Variants in DCAF12 observed in about 807,000 individuals in gnomAD.
DCAF12 encodes the protein DDB1- and CUL4-associated factor 12.
DCAF12 carries 28 observed loss-of-function variants against 52.8 expected under a neutral mutation model. The ratio of observed to expected loss-of-function variants is 0.53; its 90% CI spans 0.39 to 0.73. The LOEUF (loss-of-function observed/expected upper bound fraction) is 0.73, where lower values mean the gene tolerates loss of function less well. DCAF12 is among the 30% of genes least tolerant of loss of function. The probability of loss-of-function intolerance (pLI) is 0.00; values close to 1 mark genes in which losing one functional copy is unlikely to be tolerated. For synonymous variants in DCAF12, 196 were observed against 215.5 expected, an observed-to-expected ratio of 0.91 and a Z score of 0.79; for missense variants, 425 against 552.2, an observed-to-expected ratio of 0.77 and a Z score of 2.31.
chr9:34,105,956 G>A (rs1462184704), intron 4 of DCAF12, among the ~76,000 whole-genome samples: 1 of 151,966 alleles, frequency 6.6e-6, no homozygotes, highest in Non-Finnish European at 1.5e-5. Context: ...CACCATGCTG[G>A]CCAGCCTGGT....
At chr9:34,090,234 T>C (rs752268354) in intron 7 of DCAF12, among the ~76,000 whole-genome samples, 10 of 152,124 alleles carry the variant, frequency 6.6e-5, no homozygotes, top group Non-Finnish European at 4.4e-5. Flanking sequence ...CAGCTAATTC[T>C]TGCATTTTCA....
intron 1 of DCAF12, chr9:34,125,561 G>A: frequency 1.9e-6 from 1 of 537,022 alleles, no homozygotes; most frequent in Non-Finnish European, 3.7e-6. Flanking sequence ...GACATTTTAG[G>A]AGTGAAAGAT....
At position 34,107,680 on chromosome 9, in the gene DCAF12, T is replaced by G. The variant is rs569608300; in HGVS notation, c.334-115A>C. 2.7e-5 allele frequency: 23 copies of G among 839,950 alleles called. No homozygotes were observed. The African/African-American group carries it at 3.9e-4, about 14-fold the overall frequency. 52.0% of individuals were successfully genotyped at this position (839,950 alleles called of 1,614,324 possible). ...CATTTAATTAACAACTACTACATGT[T>G]AGACCCTAGGAATTATTAAAGGCAT... On this transcript the variant is annotated intron_variant, in intron 2 of 8. Transcript: ENST00000361264.
At chr9:34,097,633 T>C (rs747964614) in intron 5 of DCAF12, among the ~76,000 whole-genome samples, 5 of 151,718 alleles carry the variant, frequency 3.3e-5, no homozygotes, top group African/African-American at 9.7e-5. Context: ...GAAGGGAAAG[T>C]AGGCAGTAAA....
intron 1 of DCAF12, 126 bp from the exon 2 acceptor site, chr9:34,125,403 CAA>C (rs2131445718): frequency 9.2e-7 from 1 of 1,089,554 alleles, no homozygotes; most frequent in East Asian, 2.4e-5. Context: ...AATACAAACA[CAA>C]GAGAACAAGA....
chr9:34,118,320 G>A (rs2131442448), intron 2 of DCAF12, among the ~76,000 whole-genome samples: 1 of 152,242 alleles, frequency 6.6e-6, no homozygotes, highest in Admixed American at 6.5e-5. Context: ...TTTTAGTAGA[G>A]ACGGGATTTC....
intron 2 of DCAF12, among the ~76,000 whole-genome samples, chr9:34,108,804 A>T (rs1173096137): frequency 2.6e-3 from 304 of 117,978 alleles, no homozygotes; most frequent in Middle Eastern, 9.1e-3. Flanking sequence ...AAAAAAAATA[A>T]ATAAATAAAT....
intron 2 of DCAF12, among the ~76,000 whole-genome samples, chr9:34,114,319 T>C (rs753247866): frequency 2.0e-5 from 3 of 152,096 alleles, no homozygotes; most frequent in Non-Finnish European, 4.4e-5. Context: ...TCCCAGTACT[T>C]TGGGAGTCTG....
rs980888855 is a variant in DCAF12 at position 34,126,609 on chromosome 9, AG to A, written c.-179del. 2.9e-5 allele frequency: 20 copies of A among 686,438 alleles called. No individual in the cohort carries two copies. In the African/African-American group the frequency reaches 3.3e-4, roughly 11 times the overall value. The allele number at this position is 686,438 out of a possible 1,614,324, so 42.5% of individuals were successfully genotyped here. A position where few individuals can be genotyped will look rare whatever the true frequency, so the allele number is the denominator to read the frequency against. Reference sequence around the variant, plus strand: ...ATAGGCGGAAAGAAAGGAAAGAGAGAGGAAGGACTTGAGCCGGGAAAGGGAA... The same window carrying A: ...ATAGGCGGAAAGAAAGGAAAGAGAGAGAAGGACTTGAGCCGGGAAAGGGAA... On this transcript the variant is annotated 5_prime_UTR_variant, in exon 1 of 9. Coordinates refer to ENST00000361264, the MANE Select transcript of DCAF12 (RefSeq NM_015397.4).
chr9:34,115,892 C>A (rs760726475), intron 2 of DCAF12, among the ~76,000 whole-genome samples: 2 of 152,084 alleles, frequency 1.3e-5, no homozygotes, highest in African/African-American at 2.4e-5. Context: ...ATACCTTTAA[C>A]GGCGATAAGG....
chr9:34,112,008 T>G (rs1829011490), intron 2 of DCAF12, among the ~76,000 whole-genome samples: 1 of 151,524 alleles, frequency 6.6e-6, no homozygotes, highest in Admixed American at 6.6e-5. Context: ...CTGGATGTGG[T>G]GGCGGGCGCC....
chr9:34,106,643 C>A (rs1361923876), intron 3 of DCAF12, 149 bp from the exon 4 acceptor site: 2 of 622,056 alleles, frequency 3.2e-6, no homozygotes, highest in Admixed American at 2.6e-5. Context: ...TCTCAACCCA[C>A]AGAGAATGAT....
In DCAF12 at chr9:34,126,289, G is replaced by A. The variant is rs909621866; in HGVS notation, c.78+65C>T. On this transcript the variant is annotated intron_variant, in intron 1 of 8. Transcript: ENST00000361264. ...GACCCCGATTCCCGTCGCAGGATCT[G>A]CGGACCCTAAGCCCATCTTGGTTCC... is the stretch of plus-strand genomic sequence containing the variant. 1.9e-6 allele frequency: 3 copies of A among 1,583,656 alleles called. No homozygotes were observed. The African/African-American group carries it at 4.0e-5, about 21-fold the overall frequency.
At chr9:34,116,739 G>A (rs1829093487) in intron 2 of DCAF12, among the ~76,000 whole-genome samples, 1 of 152,152 alleles carries the variant, frequency 6.6e-6, no homozygotes, top group African/African-American at 2.4e-5. Context: ...CCTAGCACTT[G>A]GGAGGCTGAG....
At chr9:34,120,751 A>G (rs1020613235) in intron 2 of DCAF12, among the ~76,000 whole-genome samples, 6 of 151,998 alleles carry the variant, frequency 3.9e-5, no homozygotes, top group African/African-American at 1.4e-4. Flanking sequence ...TTGGTGTCCT[A>G]GCGTAAATAA....
In DCAF12 at chr9:34,107,389, T is replaced by C. The variant is rs560077714; in HGVS notation, c.510A>G (p.Leu170=). 1.2e-6 allele frequency: 2 copies of C among 1,614,150 alleles called. No individual in the cohort carries two copies. Among genetic ancestry groups the C allele is most frequent in the South Asian group, 2.2e-5 (2 of 91,082 alleles). Residue 170 remains leucine (L), a synonymous_variant, in exon 3 of 9, where the codon CTA becomes CTG. Coordinates refer to ENST00000361264, the MANE Select transcript of DCAF12 (RefSeq NM_015397.4). The part of the protein sequence containing the change: ...DNPNSLAIYR[L]PTLDPVCVGD... ...CTACACACACAGGATCCAGCGTAGG[T>C]AGTCGATAGATGGCAAGACTGTTGG... is the stretch of plus-strand genomic sequence containing the variant.
At chr9:34,100,149 C>T (rs1019789053) in intron 4 of DCAF12, among the ~76,000 whole-genome samples, 1 of 151,788 alleles carries the variant, frequency 6.6e-6, no homozygotes, top group Non-Finnish European at 1.5e-5. Flanking sequence ...ATCCTCCTGC[C>T]TCAGCCTCCT....
At chr9:34,117,685 C>A (rs990209002) in intron 2 of DCAF12, among the ~76,000 whole-genome samples, 4 of 152,074 alleles carry the variant, frequency 2.6e-5, no homozygotes, top group Non-Finnish European at 5.9e-5. Context: ...GAGGCCCAGG[C>A]GGGAGGATCA....
At position 34,125,285 on chromosome 9, in the gene DCAF12, A is replaced by G; in HGVS notation, c.79-8T>C. The G allele has an allele frequency of 6.2e-7, 1 of 1,613,522 alleles. No homozygotes were observed. The highest frequency in any genetic ancestry group is 8.5e-7 in the Non-Finnish European group (1 of 1,179,748). ...CGAGTGATCCCAGCCAAACTGTGGAAACAACATTAGAAATCAGGGCTTTGG... is the reference window on the plus strand; with the variant it reads ...CGAGTGATCCCAGCCAAACTGTGGAGACAACATTAGAAATCAGGGCTTTGG... On this transcript the variant is annotated splice_polypyrimidine_tract_variant and splice_region_variant and intron_variant, in intron 1 of 8. Transcript: ENST00000361264.
Sources: gnomAD v4.1 joint callset for allele counts (sites outside exome capture counted in the v4.1 genomes callset) on GRCh38, gnomAD v4.1.1 for gene constraint, MANE v1.5 for transcripts, NCBI Gene and HGNC (gene_info 2026-07-23, HGNC 2026-07-21) for gene names.